The following LPAR3 variants were observed in gnomAD, a reference collection of about 807,000 sequenced individuals.
LPAR3 encodes the protein lysophosphatidic acid receptor 3, also known as LPA receptor 3.
A neutral mutation model predicts 17.8 loss-of-function variants in LPAR3; 7 were observed. The ratio of observed to expected loss-of-function variants is 0.39; its 90% confidence interval spans 0.22 to 0.74. LPAR3 has a LOEUF of 0.74. LPAR3 is among the 30% of genes least tolerant of loss of function. The pLI, the probability that LPAR3 is intolerant of heterozygous loss-of-function variation, is 0.40. For synonymous variants in LPAR3, 179 were observed against 179.9 expected (o/e 0.99, Z 0.04); for missense variants, 391 against 453.4 (o/e 0.86, Z 1.25).
At chr1:84,878,492 A>T in intron 1 of LPAR3, among the ~76,000 whole-genome samples, 1 of 152,144 alleles carries the variant, frequency 6.6e-6, no homozygotes, top group East Asian at 1.9e-4. Context: ...CCAAATAATT[A>T]CCACAAGCCC....
intron 2 of LPAR3, among the ~76,000 whole-genome samples, chr1:84,858,461 G>C (rs1659871651): frequency 1.4e-5 from 2 of 138,192 alleles, no homozygotes; most frequent in African/African-American, 5.6e-5. Context: ...CTCCAGCCTT[G>C]GGCGACAGGG....
At chr1:84,887,119 C>T (rs1259100343) in intron 1 of LPAR3, among the ~76,000 whole-genome samples, 1 of 151,824 alleles carries the variant, frequency 6.6e-6, no homozygotes, top group Non-Finnish European at 1.5e-5. Context: ...AATCCCAGCA[C>T]TTTGGGAGGC....
intron 1 of LPAR3, 116 bp downstream of exon 1, chr1:84,892,900 C>G (rs745429433): frequency 2.6e-5 from 4 of 152,278 alleles, no homozygotes; most frequent in Non-Finnish European, 4.4e-5. Context: ...GCCAGGCAAC[C>G]CCGAAAAGCC....
At chr1:84,830,348 G>A (rs1275340082) in intron 2 of LPAR3, among the ~76,000 whole-genome samples, 1 of 152,128 alleles carries the variant, frequency 6.6e-6, no homozygotes, top group Non-Finnish European at 1.5e-5. Flanking sequence ...CCAAAGGGAG[G>A]AGGGAAAGAG....
At chr1:84,825,457 C>T (rs554217796) in intron 2 of LPAR3, among the ~76,000 whole-genome samples, 1 of 152,304 alleles carries the variant, frequency 6.6e-6, no homozygotes, top group South Asian at 2.1e-4. Flanking sequence ...CGCTGCCTAA[C>T]TGTCTTCACA....
chr1:84,831,222 C>T (rs912871210), intron 2 of LPAR3, among the ~76,000 whole-genome samples: 2 of 150,444 alleles, frequency 1.3e-5, no homozygotes, highest in African/African-American at 4.8e-5. Context: ...ACTGGTCTGT[C>T]TTTGGTTTTT....
intron 1 of LPAR3, among the ~76,000 whole-genome samples, chr1:84,880,596 G>C (rs1301170770): frequency 1.3e-5 from 2 of 152,314 alleles, no homozygotes; most frequent in African/African-American, 4.8e-5. Flanking sequence ...CACTACTGAA[G>C]AGAGGCAGAG....
At chr1:84,882,054 T>A (rs1660375940) in intron 1 of LPAR3, among the ~76,000 whole-genome samples, 1 of 152,140 alleles carries the variant, frequency 6.6e-6, no homozygotes. Flanking sequence ...TCTCCGTTCA[T>A]CAACAACATG....
In LPAR3 at chr1:84,813,126, A is replaced by AATATATATATATATATATAT. The variant is rs769953448; in HGVS notation, c.*700_*719dup. The AATATATATATATATATATAT allele has an allele frequency of 3.1e-4, 22 of 71,590 alleles. No individual in the cohort carries two copies. The highest frequency in any genetic ancestry group is 4.6e-4 in the African/African-American group (6 of 13,114). 4.4% of individuals were successfully genotyped at this position (71,590 alleles called of 1,614,324 possible). A position where few individuals can be genotyped will look rare whatever the true frequency, so the allele number is the denominator to read the frequency against. On this transcript the variant is annotated 3_prime_UTR_variant, in exon 3 of 3. Coordinates refer to ENST00000370611, the MANE Select transcript of LPAR3 (RefSeq NM_012152.3). ...ATCAATAAAAATCAGTAAAAACAGG[A>AATATATATATATATATATAT]ATATATATATATATATATATATATA...
At chr1:84,892,533 A>G (rs961148082) in intron 1 of LPAR3, among the ~76,000 whole-genome samples, 5 of 152,234 alleles carry the variant, frequency 3.3e-5, no homozygotes, top group African/African-American at 1.2e-4. Context: ...AAGCCTGCAC[A>G]TGGTTCAAGC....
At chr1:84,860,891 A>G (rs950056438) in intron 2 of LPAR3, among the ~76,000 whole-genome samples, 7 of 151,972 alleles carry the variant, frequency 4.6e-5, no homozygotes, top group South Asian at 2.1e-4. Context: ...GGTGCCTACC[A>G]TCAAACCCAG....
chr1:84,848,584 G>C (rs373553745), intron 2 of LPAR3, among the ~76,000 whole-genome samples: 10 of 152,340 alleles, frequency 6.6e-5, no homozygotes, highest in Admixed American at 4.6e-4. Context: ...AAATGAAGAA[G>C]GGTCCAGTTA....
intron 1 of LPAR3, among the ~76,000 whole-genome samples, chr1:84,877,177 G>T (rs1302231929): frequency 1.3e-5 from 2 of 152,200 alleles, no homozygotes; most frequent in African/African-American, 4.8e-5. Flanking sequence ...TTCTTATGAT[G>T]TCTGGCAAGG....
intron 1 of LPAR3, among the ~76,000 whole-genome samples, chr1:84,874,880 G>T (rs1166476189): frequency 6.7e-6 from 1 of 150,094 alleles, no homozygotes; most frequent in Non-Finnish European, 1.5e-5. Flanking sequence ...TTTACTGTTT[G>T]AAGGGGTTGA....
At chr1:84,884,349 C>T (rs542469344) in intron 1 of LPAR3, among the ~76,000 whole-genome samples, 1 of 152,318 alleles carries the variant, frequency 6.6e-6, no homozygotes, top group South Asian at 2.1e-4. Context: ...TAAAAATTGC[C>T]TTGCTGAGAG....
chr1:84,862,581 G>A (rs893407371), intron 2 of LPAR3, among the ~76,000 whole-genome samples: 4 of 152,154 alleles, frequency 2.6e-5, no homozygotes, highest in Non-Finnish European at 4.4e-5. Flanking sequence ...CACATATTAA[G>A]CACTATATAA....
Position 84,813,702 on chromosome 1 carries a change from G to GA in LPAR3, c.*143dup, listed in dbSNP as rs943622740. 26 of 679,462 alleles carry GA rather than the reference G, an allele frequency of 3.8e-5. No individual in the cohort carries two copies. The highest frequency in any genetic ancestry group is 5.3e-5 in the Non-Finnish European group (22 of 413,016). 42.1% of individuals were successfully genotyped at this position (679,462 alleles called of 1,614,324 possible). A position where few individuals can be genotyped will look rare whatever the true frequency, so the allele number is the denominator to read the frequency against. ...TTTACTGCCCATGCTTTTAAACTAT[G>GA]AAAAAAAATTTTTTAAAGAAATCTA... On this transcript the variant is annotated 3_prime_UTR_variant, in exon 3 of 3. Coordinates refer to ENST00000370611, the MANE Select transcript of LPAR3 (RefSeq NM_012152.3).
intron 1 of LPAR3, among the ~76,000 whole-genome samples, chr1:84,879,493 G>C (rs1481668575): frequency 6.6e-6 from 1 of 151,060 alleles, no homozygotes; most frequent in African/African-American, 2.4e-5. Context: ...TTGTATTTTT[G>C]GTAGAGACAG....
chr1:84,828,768 A>G (rs936676141), intron 2 of LPAR3, among the ~76,000 whole-genome samples: 1 of 152,078 alleles, frequency 6.6e-6, no homozygotes, highest in Non-Finnish European at 1.5e-5. Flanking sequence ...ATTTCCTCAG[A>G]TATTCTGTAA....
Sources: gnomAD v4.1 joint callset for allele counts (sites outside exome capture counted in the v4.1 genomes callset) on GRCh38, gnomAD v4.1.1 for gene constraint, MANE v1.5 for transcripts, NCBI Gene and HGNC (gene_info 2026-07-23, HGNC 2026-07-21) for gene names.